The following CDKL5 variants were observed in gnomAD, a reference collection of about 807,000 sequenced individuals.
The protein encoded by CDKL5 is cyclin-dependent kinase-like 5.
CDKL5 carries 8 observed loss-of-function variants against 61.7 expected under a neutral mutation model. The observed-to-expected ratio is 0.13, with a 90% confidence interval of 0.08 to 0.23. The LOEUF (loss-of-function observed/expected upper bound fraction) is 0.23, where lower values mean the gene tolerates loss of function less well. CDKL5 is among the 10% of genes least tolerant of loss of function. The pLI, the probability that CDKL5 is intolerant of heterozygous loss-of-function variation, is 1.00. For missense variants in CDKL5, 440 were observed against 734.5 expected (o/e 0.60, Z 4.63); for synonymous variants, 275 against 272.3 (o/e 1.01, Z -0.10).
chrX:18,564,372 C>G (rs914176705), intron 3 of CDKL5, 105 bp from the exon 4 acceptor site: 59 of 454,188 alleles, frequency 1.3e-4, no homozygotes, highest in African/African-American at 1.3e-3. Context: ...TTTTAACACT[C>G]TGGCTTCTTG....
At chrX:18,474,501 T>C (rs1447240976) in intron 1 of CDKL5, among the ~76,000 whole-genome samples, 1 of 112,139 alleles carries the variant, frequency 8.9e-6, no homozygotes, top group Admixed American at 9.6e-5. Context: ...GGTATGACTG[T>C]TCTCCTTAAA....
rs766762463 is a variant in CDKL5 at position 18,608,923 on chromosome X, AT to A, written c.2046+12del. The stretch of plus-strand genomic sequence containing the variant: ...CGCCAGAAGTCTGAGGTATGTCACA[AT>A]AAAATATGCCTGTAAACATTTGTTC... On this transcript the variant is annotated intron_variant, in intron 13 of 17. Transcript: ENST00000623535. The A allele has an allele frequency of 1.2e-4, 129 of 1,053,470 alleles. 1 individual carries two copies. The African/African-American group carries it at 2.1e-3, about 17-fold the overall frequency. The allele number at this position is 1,053,470 out of a possible 1,213,427, so 86.8% of individuals were successfully genotyped here.
At chrX:18,445,076 C>CTTTT in intron 1 of CDKL5, among the ~76,000 whole-genome samples, 1 of 91,118 alleles carries the variant, frequency 1.1e-5, no homozygotes. Context: ...GTTTGGGTCA[C>CTTTT]TTTTTTTTTT....
rs1268374664 is a variant in CDKL5, at chrX:18,631,562, A to G, written c.*2805A>G. 1.2e-5 allele frequency: 9 copies of G among 753,075 alleles called. No homozygotes were observed. Among genetic ancestry groups the G allele is most frequent in the Non-Finnish European group, 1.4e-5 (9 of 639,073 alleles). The allele number at this position is 753,075 out of a possible 1,213,427, so 62.1% of individuals were successfully genotyped here. A position where few individuals can be genotyped will look rare whatever the true frequency, so the allele number is the denominator to read the frequency against. ...AGAAAGGACTTGATTTAAAGTCAGA[A>G]AAATTTGCCTTTTCTTTAGGAAGGG... On this transcript the variant is annotated 3_prime_UTR_variant, in exon 18 of 18. Transcript: ENST00000623535.
intron 8 of CDKL5, 33 bp from the exon 9 acceptor site, chrX:18,587,921 G>A: frequency 8.6e-7 from 1 of 1,166,859 alleles, no homozygotes; most frequent in Non-Finnish European, 1.2e-6. Context: ...TATTTTTTCA[G>A]TTGCCAAAAT....
chrX:18,543,596 C>A (rs1157442538), intron 3 of CDKL5, among the ~76,000 whole-genome samples: 1 of 111,475 alleles, frequency 9.0e-6, no homozygotes, highest in Non-Finnish European at 1.9e-5. Context: ...AATCTGTTAA[C>A]ACCGTTTTGT....
chrX:18,536,666 GA>G (rs1178779567), intron 3 of CDKL5, among the ~76,000 whole-genome samples: 3 of 108,574 alleles, frequency 2.8e-5, no homozygotes, highest in Non-Finnish European at 3.8e-5. Context: ...GGCTGGTCTC[GA>G]ACTTTTGACC....
Position 18,509,207 on chromosome X carries a change from A to G in CDKL5, c.65-1613A>G, listed in dbSNP as rs867367403. On this transcript the variant is annotated intron_variant, in intron 2 of 17. Coordinates refer to ENST00000623535, the MANE Select transcript of CDKL5 (RefSeq NM_001323289.2). ...ACTGTCTCAAAACACGCACACACAC[A>G]CACACACACACACACACACACACAC... Among the ~76,000 whole-genome samples, 294 of 94,034 alleles carry G rather than the reference A, an allele frequency of 3.1e-3. 3 individuals are homozygous for G. The highest frequency in any genetic ancestry group is 8.5e-3 in the East Asian group (19 of 2,228). 81.7% of individuals were successfully genotyped at this position (94,034 alleles called of 115,157 possible).
downstream of CDKL5, among the ~76,000 whole-genome samples, chrX:18,642,603 C>T (rs932346818): frequency 8.9e-6 from 1 of 112,400 alleles, no homozygotes; most frequent in Non-Finnish European, 1.9e-5. Context: ...ATCACACTTA[C>T]ATGTTCCAAA....
At chrX:18,560,725 A>G (rs1259964117) in intron 3 of CDKL5, among the ~76,000 whole-genome samples, 1 of 110,879 alleles carries the variant, frequency 9.0e-6, no homozygotes, top group African/African-American at 3.3e-5. Flanking sequence ...AGGTTGCTAT[A>G]AGAAGACTTT....
At chrX:18,648,921 G>A (rs963380427) in intron 20 of CDKL5, among the ~76,000 whole-genome samples, 2 of 109,108 alleles carry the variant, frequency 1.8e-5, no homozygotes, top group Admixed American at 9.9e-5. Context: ...CGTGGCTCAC[G>A]TCTATAGTCC....
chrX:18,468,843 C>T (rs1490858324), intron 1 of CDKL5, among the ~76,000 whole-genome samples: 1 of 111,203 alleles, frequency 9.0e-6, no homozygotes, highest in East Asian at 2.8e-4. Context: ...GGTTCTTACT[C>T]ATGGCAGATA....
chrX:18,508,813 T>A (rs191145198), intron 2 of CDKL5, among the ~76,000 whole-genome samples: 45 of 110,193 alleles, frequency 4.1e-4, no homozygotes, highest in African/African-American at 1.5e-3. Context: ...TAACAATCTG[T>A]CACCAGGAAC....
rs999053429 is a variant in CDKL5, at chrX:18,634,466, T to G, written c.*5709T>G. 215 of 751,888 alleles carry G rather than the reference T, an allele frequency of 2.9e-4. No individual in the cohort carries two copies. The highest frequency in any genetic ancestry group is 3.3e-4 in the Non-Finnish European group (211 of 638,501). 62.0% of individuals were successfully genotyped at this position (751,888 alleles called of 1,213,427 possible). ...GTCAAAAGCTCCGGTTCAAACTCTG[T>G]AGAGTTTCATGGAAAAACAAAACAA... On this transcript the variant is annotated 3_prime_UTR_variant, in exon 18 of 18. Transcript: ENST00000623535.
chrX:18,478,916 A>G (rs959500399), intron 1 of CDKL5, among the ~76,000 whole-genome samples: 2 of 109,745 alleles, frequency 1.8e-5, no homozygotes, highest in East Asian at 2.9e-4. Context: ...GGGTTTCACT[A>G]TGTTGGCCAG....
chrX:18,501,644 G>T (rs920693636), intron 1 of CDKL5, among the ~76,000 whole-genome samples: 4 of 111,313 alleles, frequency 3.6e-5, no homozygotes, highest in African/African-American at 1.3e-4. Flanking sequence ...TGCCTTCCGG[G>T]TTCAAGCAAT....
In CDKL5 at chrX:18,638,818, TTAC is replaced by T. The variant is rs752656766; in HGVS notation, c.*10065_*10067del. On this transcript the variant is annotated 3_prime_UTR_variant, in exon 18 of 18. Transcript: ENST00000623535. ...GACTCACATGCCCCAATTTCAAAAC[TTAC>T]TACAAAGCTACAATAATGAAGAAAG... Among the ~76,000 whole-genome samples the T allele has an allele frequency of 5.4e-5, 6 of 111,965 alleles. No individual in the cohort carries two copies. In the South Asian group the frequency reaches 1.5e-3, roughly 28 times the overall value.
chrX:18,580,884 T>C (rs980084997), intron 6 of CDKL5, among the ~76,000 whole-genome samples: 1 of 111,864 alleles, frequency 8.9e-6, no homozygotes, highest in African/African-American at 3.2e-5. Context: ...CGTCTTTTAT[T>C]CCTAGAAACA....
chrX:18,569,581 C>G (rs191292932), intron 4 of CDKL5, among the ~76,000 whole-genome samples: 41 of 112,307 alleles, frequency 3.7e-4, no homozygotes, highest in African/African-American at 9.7e-4. Flanking sequence ...AAGACAAGTA[C>G]AAGTGTCTGC....
Sources: allele counts gnomAD v4.1 joint callset (sites outside exome capture counted in the v4.1 genomes callset), GRCh38; gene constraint gnomAD v4.1.1; transcripts MANE v1.5; gene names NCBI Gene and HGNC (gene_info 2026-07-23, HGNC 2026-07-21).